FAT3: variants seen among roughly 807,000 people sequenced by gnomAD.
FAT3 encodes the protein FAT atypical cadherin 3.
In FAT3, 95 loss-of-function variants were observed where a neutral mutation model predicts 310.2. That is an observed-to-expected ratio of 0.31 (90% CI 0.26 to 0.36). FAT3 has a LOEUF of 0.36. FAT3 is among the 10% of genes least tolerant of loss of function. The pLI is 1.00. For synonymous variants in FAT3, 2,314 were observed against 2,192.9 expected (o/e 1.06, Z -1.54); for missense variants, 5,408 against 5,715.6 (o/e 0.95, Z 1.74).
chr11:92,259,357 T>A (rs1865443646), intron 1 of FAT3, among the ~76,000 whole-genome samples: 1 of 152,118 alleles, frequency 6.6e-6, no homozygotes, highest in South Asian at 2.1e-4. Context: ...GAAGGGTATG[T>A]TAATTATTTG....
intron 21 of FAT3, among the ~76,000 whole-genome samples, chr11:92,865,151 A>G (rs1310487244): frequency 6.6e-6 from 1 of 152,202 alleles, no homozygotes; most frequent in Non-Finnish European, 1.5e-5. Flanking sequence ...CTAGATACAC[A>G]TGTTTATGTG....
chr11:92,347,375 C>G (rs1368619510), intron 1 of FAT3, among the ~76,000 whole-genome samples: 1 of 152,024 alleles, frequency 6.6e-6, no homozygotes, highest in Non-Finnish European at 1.5e-5. Context: ...AGTACCCTCC[C>G]GATTTGGCTA....
At chr11:92,416,024 C>T (rs1186778636) in intron 2 of FAT3, among the ~76,000 whole-genome samples, 3 of 138,916 alleles carry the variant, frequency 2.2e-5, no homozygotes, top group Non-Finnish European at 3.1e-5. Flanking sequence ...CCCTGTTCCA[C>T]GTGATTCAGA....
intron 3 of FAT3, among the ~76,000 whole-genome samples, chr11:92,557,886 C>A (rs1341051987): frequency 6.6e-6 from 1 of 152,186 alleles, no homozygotes; most frequent in African/African-American, 2.4e-5. Flanking sequence ...TGAGGGCTAA[C>A]TTATTTGGAG....
chr11:92,516,527 A>G (rs951040833), intron 2 of FAT3, among the ~76,000 whole-genome samples: 3 of 152,202 alleles, frequency 2.0e-5, no homozygotes, highest in South Asian at 2.1e-4. Flanking sequence ...CCCATAGCCA[A>G]TATCATACTG....
chr11:92,389,781 C>T (rs993660114), intron 2 of FAT3, among the ~76,000 whole-genome samples: 15 of 152,032 alleles, frequency 9.9e-5, no homozygotes, highest in African/African-American at 3.1e-4. Context: ...TGTCAGGGTA[C>T]GTGTCAGGTC....
intron 3 of FAT3, among the ~76,000 whole-genome samples, chr11:92,608,850 C>T (rs1285176619): frequency 6.6e-6 from 1 of 152,204 alleles, no homozygotes; most frequent in East Asian, 1.9e-4. Context: ...CACCAGGAAA[C>T]ATTGAGAACC....
chr11:92,290,837 T>C (rs1946670928), intron 1 of FAT3, among the ~76,000 whole-genome samples: 1 of 152,004 alleles, frequency 6.6e-6, no homozygotes, highest in African/African-American at 2.4e-5. Context: ...AAGGAGTAGA[T>C]TGAGTTTATG....
chr11:92,248,845 A>G (rs1865030677), intron 1 of FAT3, among the ~76,000 whole-genome samples: 1 of 152,138 alleles, frequency 6.6e-6, no homozygotes, highest in Admixed American at 6.6e-5. Flanking sequence ...TTCCAAACAC[A>G]TAGCTACATT....
chr11:92,871,977 T>A (rs3886961), intron 22 of FAT3, among the ~76,000 whole-genome samples: 57,754 of 150,428 alleles, frequency 0.38, 11,121 homozygotes, highest in East Asian at 0.46. Context: ...AAAAAAAAAA[T>A]TAGTATAAAG....
chr11:92,680,349 T>A (rs1468894137), intron 3 of FAT3, among the ~76,000 whole-genome samples: 1 of 152,338 alleles, frequency 6.6e-6, no homozygotes, highest in East Asian at 1.9e-4. Context: ...CAACACCATT[T>A]ATTTTCTGAA....
At chr11:92,431,671 C>G (rs1249512148) in intron 2 of FAT3, among the ~76,000 whole-genome samples, 1 of 152,138 alleles carries the variant, frequency 6.6e-6, no homozygotes, top group African/African-American at 2.4e-5. Flanking sequence ...TTTAATCCAT[C>G]TTGAATTAAT....
At chr11:92,498,825 G>A (rs1952843806) in intron 2 of FAT3, 1 of 152,168 alleles carries the variant, frequency 6.6e-6, no homozygotes, top group African/African-American at 2.4e-5. Context: ...ACTGAACATA[G>A]CAGGTGCTTT....
chr11:92,547,098 A>T (rs373488283), intron 3 of FAT3, among the ~76,000 whole-genome samples: 1 of 152,180 alleles, frequency 6.6e-6, no homozygotes, highest in African/African-American at 2.4e-5. Context: ...GTGGCTGGTC[A>T]TCGAGCTGCT....
At chr11:92,840,291 C>T (rs1417269688) in intron 17 of FAT3, among the ~76,000 whole-genome samples, 1 of 152,162 alleles carries the variant, frequency 6.6e-6, no homozygotes, top group African/African-American at 2.4e-5. Flanking sequence ...CAGGCAGCTC[C>T]AAGTCCTTGT....
chr11:92,799,261 T>C lies in FAT3; in HGVS notation c.6248T>C (p.Val2083Ala), dbSNP rs747437460. The C allele has an allele frequency of 1.6e-5, 26 of 1,613,708 alleles. No individual in the cohort carries two copies. The East Asian group carries it at 5.6e-4, about 35-fold the overall frequency. Reference protein sequence around the residue: ...NIEDINDNSPVFVGLPYYAAV... With the variant: ...NIEDINDNSPAFVGLPYYAAV... ...GAAGACATAAATGACAATTCTCCAG[T>C]CTTTGTGGGCCTCCCATACTATGCT... Residue 2083 changes from valine to alanine, a missense_variant, in exon 10 of 28, where the codon GTC (valine) becomes GCC (alanine). Around this residue, in one of 5 missense-constraint regions of FAT3, gnomAD observed 4,588 missense variants for 4,809.8 expected, o/e 0.95. Transcript: ENST00000525166.
intron 4 of FAT3, among the ~76,000 whole-genome samples, chr11:92,744,445 T>C (rs552350158): frequency 2.6e-5 from 4 of 152,326 alleles, no homozygotes; most frequent in South Asian, 2.1e-4. Flanking sequence ...ATGGGTGATA[T>C]ATGTAGCAGA....
chr11:92,442,109 A>ATTTT (rs1258493776), intron 2 of FAT3, among the ~76,000 whole-genome samples: 9 of 50,084 alleles, frequency 1.8e-4, no homozygotes, highest in South Asian at 1.1e-3. Context: ...ATATATATAT[A>ATTTT]TATTTTTTTT....
chr11:92,347,312 A>C (rs1209781331), intron 1 of FAT3, among the ~76,000 whole-genome samples: 1 of 151,928 alleles, frequency 6.6e-6, no homozygotes, highest in Non-Finnish European at 1.5e-5. Flanking sequence ...TGTCAAGGGG[A>C]CTCTATATTG....
Sources: allele counts gnomAD v4.1 joint callset (sites outside exome capture counted in the v4.1 genomes callset), GRCh38; gene constraint gnomAD v4.1.1; regional missense constraint gnomAD v4.1.1; transcripts MANE v1.5; gene names NCBI Gene and HGNC (gene_info 2026-07-23, HGNC 2026-07-21).